Variants in ROS1 observed in about 807,000 individuals in gnomAD.
ROS1 encodes the protein proto-oncogene tyrosine-protein kinase ROS.
In ROS1, 263 loss-of-function variants were observed where a neutral mutation model predicts 273.5. The ratio of observed to expected loss-of-function variants is 0.96; its 90% CI spans 0.87 to 1.06. The LOEUF (loss-of-function observed/expected upper bound fraction) is 1.06. ROS1 is among the 50% of genes least tolerant of loss of function. The pLI is 0.00. For synonymous variants in ROS1, 1,008 were observed against 954.1 expected (o/e 1.06, Z -1.04); for missense variants, 2,833 against 2,751.1 (o/e 1.03, Z -0.67).
rs143434059 is a variant in ROS1 at position 117,288,551 on chromosome 6, G to T, written c.6967C>A (p.Pro2323Thr). 8 of 1,614,134 alleles carry T rather than the reference G, an allele frequency of 5.0e-6. 1 individual carries two copies. The African/African-American group carries it at 5.3e-5, about 11-fold the overall frequency. The change falls in exon 44 of 44, where the codon CCT becomes ACT. Residue 2323 changes from proline to threonine, a missense_variant. Pro to Thr is a conservative substitution (Grantham distance 38, BLOSUM62 -1). Transcript: ENST00000368507. ...KQVAYCPSGK[P>T]EGLNYACLTH... Reference sequence around the variant, plus strand: ...AGACAGGCATAGTTCAGGCCTTCAGGCTTGCCAGAAGGGCAGTAAGCCACT... The same window carrying T: ...AGACAGGCATAGTTCAGGCCTTCAGTCTTGCCAGAAGGGCAGTAAGCCACT...
Position 117,353,133 on chromosome 6 carries a change from T to A in ROS1, c.4160A>T (p.Asp1387Val), listed in dbSNP as rs1405707094. Residue 1387 changes from aspartate to valine, a missense_variant, in exon 27 of 44, where the codon GAT becomes GTT. Asp to Val is a radical substitution (Grantham distance 152, BLOSUM62 -3). Transcript: ENST00000368507. ...KTLVSLTVDG[D>V]LIYWIITAKD... ...TGCTGTGATGATCCAGTATATAAGATCTCCATCCACAGTTAAGCTAACAAG... is the reference window on the plus strand; with the variant it reads ...TGCTGTGATGATCCAGTATATAAGAACTCCATCCACAGTTAAGCTAACAAG... 2.5e-6 allele frequency: 4 copies of A among 1,612,540 alleles called. No homozygotes were observed. In the East Asian group the frequency reaches 8.9e-5, roughly 36 times the overall value.
chr6:117,333,438 C>T (rs1019540468), intron 32 of ROS1, among the ~76,000 whole-genome samples: 1 of 152,164 alleles, frequency 6.6e-6, no homozygotes, highest in African/African-American at 2.4e-5. Flanking sequence ...GGTACCATTC[C>T]TTCTGAAACT....
rs1017229529 is a variant in ROS1, at chr6:117,326,283, G to T, written c.5480C>A (p.Ala1827Glu). 4 of 1,600,248 alleles carry T rather than the reference G, an allele frequency of 2.5e-6. No homozygotes were observed. Among genetic ancestry groups the T allele is most frequent in the Admixed American group, 1.8e-5 (1 of 56,596 alleles). Residue 1827 changes from alanine (A) to glutamate (E), a missense_variant, in exon 34 of 44, where the codon GCA (alanine) becomes GAA (glutamate). Physicochemically the swap from Ala to Glu is moderately radical, Grantham distance 107. Transcript: ENST00000368507. ...ATATTCACCAAACCCTAGATTATTT[G>T]CAGCTACTACTCTGAACTGAAATAT... is the stretch of plus-strand genomic sequence containing the variant. ...KGIFQFRVVAANNLGFGEYSG... is the reference protein window; with the variant it reads ...KGIFQFRVVAENNLGFGEYSG...
chr6:117,380,757 C>A (rs537701844), intron 17 of ROS1, among the ~76,000 whole-genome samples: 9 of 152,110 alleles, frequency 5.9e-5, no homozygotes, highest in African/African-American at 2.2e-4. Context: ...TTTATATAAA[C>A]CTCTCTGATC....
chr6:117,320,808 G>A (rs980886561), intron 36 of ROS1, among the ~76,000 whole-genome samples: 4 of 151,864 alleles, frequency 2.6e-5, no homozygotes, highest in South Asian at 2.1e-4. Flanking sequence ...TAATTATGAC[G>A]GCAACAAAAG....
chr6:117,411,235 CTCTCTCTT>C (rs1227234437), intron 4 of ROS1, among the ~76,000 whole-genome samples: 4 of 151,492 alleles, frequency 2.6e-5, no homozygotes, highest in African/African-American at 4.8e-5. Flanking sequence ...CTCTCTCTCT[CTCTCTCTT>C]TCTCTCTCTC....
intron 21 of ROS1, among the ~76,000 whole-genome samples, chr6:117,364,545 GGTAT>G (rs921177220): frequency 4.6e-5 from 7 of 152,202 alleles, no homozygotes; most frequent in Non-Finnish European, 8.8e-5. Flanking sequence ...ACACATGATA[GGTAT>G]GTAGTAAATA....
intron 18 of ROS1, among the ~76,000 whole-genome samples, chr6:117,377,988 C>T (rs1374656922): frequency 4.6e-5 from 7 of 152,104 alleles, no homozygotes; most frequent in Non-Finnish European, 8.8e-5. Flanking sequence ...TACTGCTTCC[C>T]ACACCAAAGA....
At chr6:117,353,885 T>TA (rs1779078826) in intron 26 of ROS1, among the ~76,000 whole-genome samples, 1 of 152,184 alleles carries the variant, frequency 6.6e-6, no homozygotes, top group Admixed American at 6.5e-5. Context: ...CCTTCATAGT[T>TA]AGAGTCTCCC....
intron 18 of ROS1, among the ~76,000 whole-genome samples, chr6:117,368,195 G>C (rs1227355480): frequency 1.3e-5 from 2 of 151,894 alleles, no homozygotes; most frequent in Admixed American, 6.5e-5. Flanking sequence ...AAATCTGCTT[G>C]GTTGTTTCTG....
At chr6:117,419,719 G>C (rs1453241101) in intron 1 of ROS1, among the ~76,000 whole-genome samples, 3 of 152,126 alleles carry the variant, frequency 2.0e-5, no homozygotes, top group Non-Finnish European at 2.9e-5. Flanking sequence ...ACTCATAAAA[G>C]CAAAAGGGTG....
chr6:117,369,784 C>T (rs1043765721), intron 18 of ROS1, among the ~76,000 whole-genome samples: 10 of 152,102 alleles, frequency 6.6e-5, no homozygotes, highest in African/African-American at 2.4e-4. Flanking sequence ...CCAGAGCTGT[C>T]TGCCATACTT....
chr6:117,389,233 TG>T, intron 13 of ROS1, 116 bp downstream of exon 13: 1 of 1,197,134 alleles, frequency 8.4e-7, no homozygotes, highest in Non-Finnish European at 1.2e-6. Context: ...TAGCTGCTTC[TG>T]GTTGATGACT....
intron 32 of ROS1, among the ~76,000 whole-genome samples, chr6:117,333,641 C>T (rs562866514): frequency 3.0e-4 from 46 of 152,136 alleles, no homozygotes; most frequent in Non-Finnish European, 3.2e-4. Context: ...ATATCCACCA[C>T]GAACAAGTCG....
chr6:117,300,882 T>C, intron 43 of ROS1, 92 bp downstream of exon 43: 3 of 981,012 alleles, frequency 3.1e-6, no homozygotes, highest in Non-Finnish European at 4.3e-6. Flanking sequence ...TCTTTTTGCC[T>C]ACCCCAAAAT....
chr6:117,347,781 T>C (rs1202270679), intron 27 of ROS1, among the ~76,000 whole-genome samples: 1 of 152,084 alleles, frequency 6.6e-6, no homozygotes, highest in Non-Finnish European at 1.5e-5. Context: ...CCTGAATCCG[T>C]GTTGAATTTT....
At chr6:117,416,717 G>A (rs1331468422) in intron 2 of ROS1, among the ~76,000 whole-genome samples, 2 of 152,108 alleles carry the variant, frequency 1.3e-5, no homozygotes, top group South Asian at 2.1e-4. Context: ...CTCAAAACTG[G>A]TGATTCAACT....
intron 4 of ROS1, among the ~76,000 whole-genome samples, chr6:117,411,993 C>T (rs1377329308): frequency 6.6e-6 from 1 of 152,152 alleles, no homozygotes; most frequent in African/African-American, 2.4e-5. Context: ...CAAGCCAAGA[C>T]TTCAGTCATT....
chr6:117,361,825 G>A (rs531635967), intron 22 of ROS1, among the ~76,000 whole-genome samples: 7 of 151,976 alleles, frequency 4.6e-5, no homozygotes, highest in Non-Finnish European at 7.4e-5. Flanking sequence ...AAGAAATGGT[G>A]GAAAGCATTA....
Sources: allele counts gnomAD v4.1 joint callset (sites outside exome capture counted in the v4.1 genomes callset), GRCh38; gene constraint gnomAD v4.1.1; transcripts MANE v1.5; gene names NCBI Gene and HGNC (gene_info 2026-07-23, HGNC 2026-07-21).